Variants in PTPRS observed in about 807,000 individuals in gnomAD.
PTPRS encodes receptor-type tyrosine-protein phosphatase S.
PTPRS carries 63 observed loss-of-function variants against 215.3 expected under a neutral mutation model. That is an observed-to-expected ratio of 0.29 (90% confidence interval 0.24 to 0.36). The LOEUF (loss-of-function observed/expected upper bound fraction) is 0.36. Ranked by LOEUF, PTPRS falls within the 10% of genes least tolerant of loss-of-function variation. The pLI is 1.00. For missense variants in PTPRS, 2,258 were observed against 2,825.8 expected, an observed-to-expected ratio of 0.80 and a Z score of 4.56; for synonymous variants, 1,404 against 1,191.4, an observed-to-expected ratio of 1.18 and a Z score of -3.68.
intron 1 of PTPRS, among the ~76,000 whole-genome samples, chr19:5,334,946 G>T (rs1177944514): frequency 6.6e-6 from 1 of 152,150 alleles, no homozygotes; most frequent in African/African-American, 2.4e-5. Flanking sequence ...CTAAATAGTC[G>T]GAGCAGCTGT....
chr19:5,329,297 G>T (rs923567067), intron 1 of PTPRS, among the ~76,000 whole-genome samples: 8 of 151,974 alleles, frequency 5.3e-5, no homozygotes, highest in African/African-American at 1.9e-4. Flanking sequence ...TCCAGAGAGG[G>T]AAAGTGACTT....
At position 5,216,674 on chromosome 19, in the gene PTPRS, C is replaced by T. The variant is rs758812762; in HGVS notation, c.4096+46G>A. 31 of 1,440,558 alleles carry T rather than the reference C, an allele frequency of 2.2e-5. No individual in the cohort carries two copies. The Admixed American group carries it at 2.2e-4, about 10-fold the overall frequency. 89.2% of individuals were successfully genotyped at this position (1,440,558 alleles called of 1,614,324 possible). A position where few individuals can be genotyped will look rare whatever the true frequency, so the allele number is the denominator to read the frequency against. On this transcript the variant is annotated intron_variant, in intron 26 of 37. Coordinates refer to ENST00000262963, the MANE Select transcript of PTPRS (RefSeq NM_002850.4). Reference sequence around the variant, plus strand: ...ATGGAGAAACCAAAGAGGAAATGAACGGGGGCGGGGGCGAAAGGAAGCCAA... The same window carrying T: ...ATGGAGAAACCAAAGAGGAAATGAATGGGGGCGGGGGCGAAAGGAAGCCAA...
chr19:5,206,668 G>T lies in PTPRS; in HGVS notation c.*106C>A. 1 of 934,762 alleles carries T rather than the reference G, an allele frequency of 1.1e-6. No individual in the cohort carries two copies. The highest frequency in any genetic ancestry group is 1.7e-6 in the Non-Finnish European group (1 of 594,024). The allele number at this position is 934,762 out of a possible 1,614,324, so 57.9% of individuals were successfully genotyped here. Reference sequence around the variant, plus strand: ...GTGCAGAAACACAGCTGCTGCCGCTGCCACCTCCTGCCCTGCCCACTGGGG... The same window carrying T: ...GTGCAGAAACACAGCTGCTGCCGCTTCCACCTCCTGCCCTGCCCACTGGGG... On this transcript the variant is annotated 3_prime_UTR_variant, in exon 38 of 38. Coordinates refer to ENST00000262963, the MANE Select transcript of PTPRS (RefSeq NM_002850.4).
In PTPRS at chr19:5,239,100, GGA is replaced by G. The variant is rs149487300; in HGVS notation, c.1705-39_1705-38del. 6,957 of 1,459,152 alleles carry G rather than the reference GGA, an allele frequency of 4.8e-3. 3 individuals carry two copies. Among genetic ancestry groups the G allele is most frequent in the Admixed American group, 7.6e-3 (410 of 53,956 alleles). The allele number at this position is 1,459,152 out of a possible 1,614,324, so 90.4% of individuals were successfully genotyped here. A position where few individuals can be genotyped will look rare whatever the true frequency, so the allele number is the denominator to read the frequency against. On this transcript the variant is annotated intron_variant, in intron 12 of 37. Transcript: ENST00000262963. ...GCAGAGAAGGACAGAGAGGGATGGG[GGA>G]GAGAGAGAGAGAGACAGAAACAAAG...
chr19:5,274,105 G>A lies in PTPRS; in HGVS notation c.237+94C>T, dbSNP rs1473977154. 7.3e-6 allele frequency: 11 copies of A among 1,500,040 alleles called. No individual in the cohort carries two copies. In the East Asian group the frequency reaches 2.6e-4, roughly 35 times the overall value. 92.9% of individuals were successfully genotyped at this position (1,500,040 alleles called of 1,614,324 possible). A position where few individuals can be genotyped will look rare whatever the true frequency, so the allele number is the denominator to read the frequency against. ...TGGCCACAGATGATGCTCCACCTGGGGAACGTGTCCACGAAGTCCACTGTG... is the reference window on the plus strand; with the variant it reads ...TGGCCACAGATGATGCTCCACCTGGAGAACGTGTCCACGAAGTCCACTGTG... On this transcript the variant is annotated intron_variant, in intron 3 of 37. Transcript: ENST00000262963.
intron 1 of PTPRS, among the ~76,000 whole-genome samples, chr19:5,307,812 C>T (rs903258882): frequency 5.3e-5 from 8 of 152,224 alleles, no homozygotes; most frequent in Non-Finnish European, 1.2e-4. Context: ...TTTTTATCAT[C>T]GCCATATCGG....
chr19:5,286,294 A>T (rs920152704), intron 1 of PTPRS, 60 bp from the exon 2 acceptor site: 18 of 769,922 alleles, frequency 2.3e-5, no homozygotes, highest in Non-Finnish European at 3.5e-5. Flanking sequence ...ACCTTCATGG[A>T]GGAGGCAGAG....
rs770767234 is a variant in PTPRS, at chr19:5,258,159, T to TA, written c.596-33dup. 31 of 1,573,682 alleles carry TA rather than the reference T, an allele frequency of 2.0e-5. 1 individual carries two copies. In the African/African-American group the frequency reaches 3.0e-4, roughly 15 times the overall value. On this transcript the variant is annotated intron_variant, in intron 7 of 37. Transcript: ENST00000262963. ...GAAGATGGGAAAAAGCTTGGTCTGT[T>TA]AGAGGGGGGCCCAGGAGTGAACAGG...
Position 5,291,584 on chromosome 19 carries a change from G to A in PTPRS, c.-94-5350C>T, listed in dbSNP as rs531501183. On this transcript the variant is annotated intron_variant, in intron 1 of 37. Transcript: ENST00000262963. ...CCTTCTTGATGTGACTGCATCCATC[G>A]TCTTCCCTACCCCCTCTTCCCGAAA... Among the ~76,000 whole-genome samples, 9 of 152,142 alleles carry A rather than the reference G, an allele frequency of 5.9e-5. No individual in the cohort carries two copies. The South Asian group carries it at 1.9e-3, about 32-fold the overall frequency.
intron 1 of PTPRS, among the ~76,000 whole-genome samples, chr19:5,302,292 A>T (rs1169285325): frequency 1.3e-5 from 2 of 152,120 alleles, no homozygotes; most frequent in African/African-American, 4.8e-5. Flanking sequence ...TGTGACCAGG[A>T]GTTTGAGGTT....
At chr19:5,236,451 C>T (rs1159700633) in intron 13 of PTPRS, among the ~76,000 whole-genome samples, 1 of 152,232 alleles carries the variant, frequency 6.6e-6, no homozygotes, top group Non-Finnish European at 1.5e-5. Context: ...GGAAGCCACT[C>T]TCCCAAGTGC....
chr19:5,296,532 T>G (rs1312464139), intron 1 of PTPRS, among the ~76,000 whole-genome samples: 1 of 151,356 alleles, frequency 6.6e-6, no homozygotes, highest in African/African-American at 2.4e-5. Context: ...AAACACAGGA[T>G]AGGAGAGAGG....
intron 1 of PTPRS, among the ~76,000 whole-genome samples, chr19:5,313,115 C>A (rs2049761632): frequency 6.6e-6 from 1 of 152,190 alleles, no homozygotes; most frequent in Non-Finnish European, 1.5e-5. Flanking sequence ...CAGGGTTTCA[C>A]CATGTTGGCC....
At chr19:5,245,681 C>T (rs1003737978) in intron 10 of PTPRS, 95 bp downstream of exon 10, 11 of 1,468,342 alleles carry the variant, frequency 7.5e-6, no homozygotes, top group African/African-American at 2.8e-5. Flanking sequence ...GAGGGTAACT[C>T]GGAGGTGCTC....
chr19:5,284,230 G>A (rs2048128026), intron 2 of PTPRS, among the ~76,000 whole-genome samples: 1 of 151,574 alleles, frequency 6.6e-6, no homozygotes, highest in Non-Finnish European at 1.5e-5. Flanking sequence ...TGTGGTGGCT[G>A]GCACCTGTAA....
At chr19:5,279,962 C>G (rs1031551037) in intron 2 of PTPRS, among the ~76,000 whole-genome samples, 1 of 151,908 alleles carries the variant, frequency 6.6e-6, no homozygotes, top group Non-Finnish European at 1.5e-5. Context: ...GGATTACAGG[C>G]GTGAGCCACC....
intron 6 of PTPRS, among the ~76,000 whole-genome samples, chr19:5,262,372 C>A (rs2046067388): frequency 6.6e-6 from 1 of 152,210 alleles, no homozygotes; most frequent in African/African-American, 2.4e-5. Context: ...TTCCGCCTCC[C>A]ACCCTGAGAG....
In PTPRS at chr19:5,273,446, G is replaced by A. The variant is rs894563862; in HGVS notation, c.375C>T (p.Leu125=). 1 of 1,614,178 alleles carries A rather than the reference G, an allele frequency of 6.2e-7. No individual in the cohort carries two copies. The highest frequency in any genetic ancestry group is 1.3e-5 in the African/African-American group (1 of 75,038). Reference sequence around the variant, plus strand: ...CCGCCCTGAGGAGCCCAATACCTCGGAGGACAGTAAGCTTGGCATGGACTG... The same window carrying A: ...CCGCCCTGAGGAGCCCAATACCTCGAAGGACAGTAAGCTTGGCATGGACTG... ...EITVHAKLTV[L]REDQLPSGFP... The change falls in exon 4 of 38, where the codon CTC becomes CTT. Residue 125 remains leucine (L), a synonymous_variant. Coordinates refer to ENST00000262963, the MANE Select transcript of PTPRS (RefSeq NM_002850.4).
intron 1 of PTPRS, among the ~76,000 whole-genome samples, chr19:5,334,826 A>G (rs1486116015): frequency 6.6e-6 from 1 of 152,124 alleles, no homozygotes; most frequent in Non-Finnish European, 1.5e-5. Context: ...CTCTCTGCAA[A>G]ATAGGGCTCA....
Sources: allele counts gnomAD v4.1 joint callset (sites outside exome capture counted in the v4.1 genomes callset), GRCh38; gene constraint gnomAD v4.1.1; transcripts MANE v1.5; gene names NCBI Gene and HGNC (gene_info 2026-07-23, HGNC 2026-07-21).